The following CACNA1C variants were observed in gnomAD, a reference collection of about 807,000 sequenced individuals.
CACNA1C encodes the protein calcium voltage-gated channel subunit alpha1 C.
A neutral mutation model predicts 229.0 loss-of-function variants in CACNA1C; 30 were observed. The ratio of observed to expected loss-of-function variants is 0.13; its 90% CI spans 0.10 to 0.18. The LOEUF is 0.18. Among genes scored for constraint, CACNA1C ranks in the 10% least tolerant of loss-of-function variants. CACNA1C has a pLI of 1.00. For missense variants in CACNA1C, 1,658 were observed against 2,845.0 expected (o/e 0.58, Z 9.49); for synonymous variants, 1,114 against 1,132.5 (o/e 0.98, Z 0.33).
Position 2,655,127 on chromosome 12 carries a change from C to A in CACNA1C, c.4141-20C>A, listed in dbSNP as rs934540211. On this transcript the variant is annotated intron_variant, in intron 33 of 46. Transcript: ENST00000399655. ...TATCTGTCCACAAATCACTGAACACCTCTTCCTTCTCTCTCCTAGGTGTTT... is the reference window on the plus strand; with the variant it reads ...TATCTGTCCACAAATCACTGAACACATCTTCCTTCTCTCTCCTAGGTGTTT... 4.7e-6 allele frequency: 7 copies of A among 1,476,886 alleles called. No individual in the cohort carries two copies. Among genetic ancestry groups the A allele is most frequent in the South Asian group, 2.3e-5 (2 of 87,818 alleles). The allele number at this position is 1,476,886 out of a possible 1,614,324, so 91.5% of individuals were successfully genotyped here.
chr12:2,270,463 T>C (rs1186844732), intron 3 of CACNA1C, among the ~76,000 whole-genome samples: 1 of 152,196 alleles, frequency 6.6e-6, no homozygotes, highest in African/African-American at 2.4e-5. Context: ...CTCATGTCAA[T>C]GTTTTGAGGC....
rs118174076 is a variant in CACNA1C at position 2,261,532 on chromosome 12, G to A, written c.477+141102G>A. Among the ~76,000 whole-genome samples the A allele has an allele frequency of 1.0e-3, 155 of 152,302 alleles. 1 individual carries two copies. In the East Asian group the frequency reaches 0.026, roughly 26 times the overall value. On this transcript the variant is annotated intron_variant, in intron 3 of 46. Coordinates refer to ENST00000399655, the MANE Select transcript of CACNA1C (RefSeq NM_000719.7). ...AATAGTTCTCTCCTCACAGATACAC[G>A]AAAAAGGTCTCAGAGATCCTGCTGG...
intron 3 of CACNA1C, among the ~76,000 whole-genome samples, chr12:2,126,198 T>G (rs557886019): frequency 6.6e-6 from 1 of 152,348 alleles, no homozygotes; most frequent in East Asian, 1.9e-4. Flanking sequence ...ACATACACTT[T>G]TGCACCAAAA....
chr12:2,296,070 C>T (rs2094007919), intron 3 of CACNA1C, among the ~76,000 whole-genome samples: 2 of 152,206 alleles, frequency 1.3e-5, no homozygotes, highest in Non-Finnish European at 2.9e-5. Flanking sequence ...CAGCAGGTGT[C>T]ATAAGAACGG....
At chr12:2,076,632 C>G (rs1439910214) in intron 1 of CACNA1C, among the ~76,000 whole-genome samples, 4 of 152,070 alleles carry the variant, frequency 2.6e-5, no homozygotes, top group African/African-American at 9.7e-5. Context: ...GAGATGGTAT[C>G]TCTAGTACCC....
intron 3 of CACNA1C, among the ~76,000 whole-genome samples, chr12:2,216,812 T>C (rs11062158): frequency 0.052 from 7,869 of 152,186 alleles, 476 homozygotes; most frequent in East Asian, 0.29. Context: ...GAAGGCAAAA[T>C]GTGTAGACTC....
intron 1 of CACNA1C, among the ~76,000 whole-genome samples, chr12:1,984,947 C>T (rs1388756529): frequency 6.6e-6 from 1 of 151,456 alleles, no homozygotes; most frequent in Non-Finnish European, 1.5e-5. Flanking sequence ...TTCTGGCCTA[C>T]ATAATTTCTG....
At chr12:2,120,500 A>G (rs1456140249) in intron 3 of CACNA1C, 70 bp downstream of exon 3, 6 of 892,458 alleles carry the variant, frequency 6.7e-6, no homozygotes, top group Non-Finnish European at 1.1e-5. Context: ...ACATAGATGC[A>G]TGGAATGTGG....
chr12:2,043,642 CTTTTTTTTTTTTT>C (rs67625680), intron 1 of CACNA1C, among the ~76,000 whole-genome samples: 1 of 91,382 alleles, frequency 1.1e-5, no homozygotes, highest in South Asian at 3.9e-4. Context: ...ACAGAATATT[CTTTTTTTTTTTTT>C]TTTTTTTTTT....
Position 2,629,118 on chromosome 12 carries a change from C to G in CACNA1C, c.3829-5179C>G, listed in dbSNP as rs2088937546. Among the ~76,000 whole-genome samples the G allele has an allele frequency of 2.0e-5, 3 of 152,180 alleles. No individual in the cohort carries two copies. The South Asian group carries it at 6.2e-4, about 32-fold the overall frequency. ...ATTACCTCCCCTCAGAAAGCTCAAT[C>G]TCCAGCCGACTAGAATAAAGACAAC... is the stretch of plus-strand genomic sequence containing the variant. On this transcript the variant is annotated intron_variant, in intron 29 of 46. Coordinates refer to ENST00000399655, the MANE Select transcript of CACNA1C (RefSeq NM_000719.7).
rs116574090 is a variant in CACNA1C at position 2,206,455 on chromosome 12, G to A, written c.477+86025G>A. On this transcript the variant is annotated intron_variant, in intron 3 of 46. Transcript: ENST00000399655. ...CCTGCATTTGATTCTAGATTTCACC[G>A]CTGAGTAGTTATGTAGCTTTTGGCC... is the stretch of plus-strand genomic sequence containing the variant. Among the ~76,000 whole-genome samples, 693 of 152,258 alleles carry A rather than the reference G, an allele frequency of 4.6e-3. 6 individuals are homozygous for A. The highest frequency in any genetic ancestry group is 0.015 in the African/African-American group (606 of 41,532).
chr12:2,436,222 T>C (rs2099133431), intron 3 of CACNA1C, among the ~76,000 whole-genome samples: 1 of 152,186 alleles, frequency 6.6e-6, no homozygotes. Flanking sequence ...ATGTTCAAAG[T>C]GAGACTCTGG....
intron 11 of CACNA1C, among the ~76,000 whole-genome samples, chr12:2,561,084 T>G (rs182390264): frequency 6.6e-6 from 1 of 152,188 alleles, no homozygotes; most frequent in East Asian, 1.9e-4. Context: ...TTGCGTAGAG[T>G]TCGTCTCTGC....
At chr12:2,618,081 G>T (rs1289386137) in intron 29 of CACNA1C, among the ~76,000 whole-genome samples, 1 of 152,220 alleles carries the variant, frequency 6.6e-6, no homozygotes. Flanking sequence ...TGAGGGTCCG[G>T]ATTGCTCAGG....
At position 2,054,536 on chromosome 12, in the gene CACNA1C, G is replaced by A. The variant is rs1306526817; in HGVS notation, c.49+925G>A. 6.6e-6 allele frequency among the ~76,000 whole-genome samples: 1 copy of A among 152,136 alleles called. No homozygotes were observed. The highest frequency in any genetic ancestry group is 6.5e-5 in the Admixed American group (1 of 15,272). The stretch of plus-strand genomic sequence containing the variant: ...CCCTGTGATGGTGAAAGGCAGTCAG[G>A]TAACTCCCTACTTCCTGGAAACTTT... On this transcript the variant is annotated intron_variant, in intron 1 of 46. Transcript: ENST00000399655. This position sits in a 1 kb window ranked among gnomAD's most constrained non-coding sequence, Gnocchi z 5.5.
chr12:2,047,956 G>A (rs952496494), intron 1 of CACNA1C, among the ~76,000 whole-genome samples: 2 of 152,214 alleles, frequency 1.3e-5, no homozygotes, highest in Non-Finnish European at 1.5e-5. Flanking sequence ...CACCACTTCC[G>A]ATCTCGACCA....
intron 3 of CACNA1C, among the ~76,000 whole-genome samples, chr12:2,234,633 T>G (rs1442123783): frequency 1.3e-5 from 2 of 152,158 alleles, no homozygotes; most frequent in Non-Finnish European, 2.9e-5. Context: ...TCCATTTTTA[T>G]GTTGGTGTTT....
chr12:2,026,409 T>C (rs767571138), intron 1 of CACNA1C, among the ~76,000 whole-genome samples: 5 of 152,050 alleles, frequency 3.3e-5, no homozygotes, highest in Admixed American at 6.6e-5. Context: ...TTGATTGGGG[T>C]TGAGGAGTGA....
chr12:2,037,355 T>A (rs1270673540), intron 1 of CACNA1C, among the ~76,000 whole-genome samples: 6 of 152,250 alleles, frequency 3.9e-5, no homozygotes, highest in Admixed American at 3.9e-4. Flanking sequence ...TTCTCTTGCC[T>A]TTATTACTGG....
Sources: gnomAD v4.1 joint callset for allele counts (sites outside exome capture counted in the v4.1 genomes callset) on GRCh38, gnomAD v4.1.1 for gene constraint, Gnocchi (gnomAD v3.1) non-coding constraint, MANE v1.5 for transcripts, NCBI Gene and HGNC (gene_info 2026-07-23, HGNC 2026-07-21) for gene names.